The following CACNA2D3 variants were observed in gnomAD, a reference collection of about 807,000 sequenced individuals.
CACNA2D3 encodes calcium voltage-gated channel auxiliary subunit alpha2delta 3.
In CACNA2D3, 60 loss-of-function variants were observed where a neutral mutation model predicts 160.6. The observed-to-expected ratio is 0.37, with a 90% CI of 0.30 to 0.46. The LOEUF (loss-of-function observed/expected upper bound fraction) is 0.46, where lower values mean the gene tolerates loss of function less well. Among genes scored for constraint, CACNA2D3 ranks in the 20% least tolerant of loss-of-function variants. CACNA2D3 has a pLI of 1.00. For synonymous variants in CACNA2D3, 558 were observed against 492.9 expected (o/e 1.13, Z -1.75); for missense variants, 1,205 against 1,365.0 (o/e 0.88, Z 1.85).
rs556648907 is a variant in CACNA2D3, at chr3:55,051,247, G to T, written c.2988-22198G>T. 1.7e-4 allele frequency among the ~76,000 whole-genome samples: 26 copies of T among 152,172 alleles called. No individual in the cohort carries two copies. In the South Asian group the frequency reaches 5.4e-3, roughly 32 times the overall value. On this transcript the variant is annotated intron_variant, in intron 35 of 37. Transcript: ENST00000474759. The stretch of plus-strand genomic sequence containing the variant: ...CATCTTTGTGGTTTTATCTACTTTT[G>T]GTCTTTGATGATGGTGATGTACAGA...
In CACNA2D3 at chr3:54,924,298, G is replaced by C. The variant is rs113090518; in HGVS notation, c.2449+24430G>C. Among the ~76,000 whole-genome samples, 566 of 152,326 alleles carry C rather than the reference G, an allele frequency of 3.7e-3. 2 individuals are homozygous for C. The highest frequency in any genetic ancestry group is 0.013 in the African/African-American group (550 of 41,580). On this transcript the variant is annotated intron_variant, in intron 27 of 37. Transcript: ENST00000474759. ...TAATAAGAGGTTGGTGTTATTTGGG[G>C]TTGAGCAGTTATTCAGGTGGTGATT...
intron 11 of CACNA2D3, among the ~76,000 whole-genome samples, chr3:54,689,775 A>G (rs1194941952): frequency 6.6e-6 from 1 of 151,982 alleles, no homozygotes; most frequent in Non-Finnish European, 1.5e-5. Context: ...ACACTACACT[A>G]GCCTCCTAAC....
At chr3:55,073,625 C>A in intron 36 of CACNA2D3, 68 bp downstream of exon 36, 2 of 1,346,600 alleles carry the variant, frequency 1.5e-6, no homozygotes, top group South Asian at 1.2e-5. Flanking sequence ...GGTAAGGAAA[C>A]CTGGGGGAGA....
chr3:54,372,617 T>G (rs907286556), intron 3 of CACNA2D3, among the ~76,000 whole-genome samples: 3 of 152,268 alleles, frequency 2.0e-5, no homozygotes, highest in African/African-American at 7.2e-5. Flanking sequence ...TCCTCAAATC[T>G]TTTATCACTT....
chr3:54,545,324 T>G (rs759465457), intron 5 of CACNA2D3, among the ~76,000 whole-genome samples: 6 of 152,230 alleles, frequency 3.9e-5, no homozygotes, highest in Non-Finnish European at 7.3e-5. Flanking sequence ...TGAAGATACT[T>G]GGAGCTTAAC....
chr3:54,558,334 G>T (rs1048076093), intron 5 of CACNA2D3, among the ~76,000 whole-genome samples: 7 of 152,162 alleles, frequency 4.6e-5, no homozygotes, highest in African/African-American at 1.7e-4. Flanking sequence ...CCCATCAATG[G>T]CAGTGTGAGT....
intron 4 of CACNA2D3, among the ~76,000 whole-genome samples, chr3:54,456,106 A>G (rs1233907307): frequency 1.3e-5 from 2 of 152,136 alleles, no homozygotes; most frequent in East Asian, 1.9e-4. Context: ...GTATTTTGAT[A>G]GAGATTGCAT....
intron 2 of CACNA2D3, among the ~76,000 whole-genome samples, chr3:54,172,168 C>G (rs1487205897): frequency 6.6e-6 from 1 of 152,254 alleles, no homozygotes; most frequent in Non-Finnish European, 1.5e-5. Flanking sequence ...CCACTCTCCC[C>G]TTCCACACCC....
At chr3:54,138,920 G>A (rs531030891) in intron 2 of CACNA2D3, among the ~76,000 whole-genome samples, 1 of 152,190 alleles carries the variant, frequency 6.6e-6, no homozygotes, top group Admixed American at 6.5e-5. Context: ...CTGGTTTTCT[G>A]TATTTGGATC....
Position 54,733,581 on chromosome 3 carries a change from C to G in CACNA2D3, c.1168-19018C>G, listed in dbSNP as rs137942820. 9.2e-5 allele frequency among the ~76,000 whole-genome samples: 14 copies of G among 152,218 alleles called. No individual in the cohort carries two copies. In the East Asian group the frequency reaches 2.5e-3, roughly 27 times the overall value. On this transcript the variant is annotated intron_variant, in intron 11 of 37. Coordinates refer to ENST00000474759, the MANE Select transcript of CACNA2D3 (RefSeq NM_018398.3). ...GGATGAAGGTTAACATTAGGCCTCCCGGGCCCTTTCACATTCATTTACAGA... is the reference window on the plus strand; with the variant it reads ...GGATGAAGGTTAACATTAGGCCTCCGGGGCCCTTTCACATTCATTTACAGA...
At chr3:54,968,302 TAA>T in intron 27 of CACNA2D3, 146 bp from the exon 28 acceptor site, 1 of 605,898 alleles carries the variant, frequency 1.7e-6, no homozygotes, top group Admixed American at 2.8e-5. Flanking sequence ...ACCTGAAAGA[TAA>T]AATGTTTTAG....
chr3:54,488,356 G>T (rs537828993), intron 4 of CACNA2D3, among the ~76,000 whole-genome samples: 30 of 152,310 alleles, frequency 2.0e-4, no homozygotes, highest in African/African-American at 7.2e-4. Flanking sequence ...GAAAGGCCCT[G>T]CCAGGCTGGG....
intron 9 of CACNA2D3, among the ~76,000 whole-genome samples, chr3:54,619,323 G>C (rs1210003869): frequency 6.6e-6 from 1 of 152,200 alleles, no homozygotes; most frequent in Non-Finnish European, 1.5e-5. Flanking sequence ...CACTGCTTAG[G>C]TGGAGGGGCT....
chr3:54,389,644 G>A (rs1046925814), intron 4 of CACNA2D3, among the ~76,000 whole-genome samples: 1 of 152,170 alleles, frequency 6.6e-6, no homozygotes, highest in Admixed American at 6.5e-5. Context: ...CAGTTATGTA[G>A]AATTCTTGCC....
intron 3 of CACNA2D3, among the ~76,000 whole-genome samples, chr3:54,381,417 G>A (rs1252747928): frequency 6.6e-6 from 1 of 152,040 alleles, no homozygotes; most frequent in African/African-American, 2.4e-5. Flanking sequence ...TTACCTTCCC[G>A]CCTCTCACCG....
chr3:54,474,147 C>T (rs1700786384), intron 4 of CACNA2D3, among the ~76,000 whole-genome samples: 1 of 152,130 alleles, frequency 6.6e-6, no homozygotes, highest in Non-Finnish European at 1.5e-5. Flanking sequence ...TGGAACCAAC[C>T]CAAATGCCCA....
chr3:54,567,887 T>G (rs1575350535), intron 6 of CACNA2D3, among the ~76,000 whole-genome samples: 1 of 152,314 alleles, frequency 6.6e-6, no homozygotes, highest in East Asian at 1.9e-4. Context: ...AACACTGCGC[T>G]TTAAAGACAG....
At chr3:54,274,642 G>A (rs1013741308) in intron 2 of CACNA2D3, among the ~76,000 whole-genome samples, 1 of 152,226 alleles carries the variant, frequency 6.6e-6, no homozygotes, top group African/African-American at 2.4e-5. Flanking sequence ...TGGGTCAGGA[G>A]TCTGTATCCA....
chr3:54,673,598 C>G (rs1319513680), intron 11 of CACNA2D3, among the ~76,000 whole-genome samples: 1 of 152,160 alleles, frequency 6.6e-6, no homozygotes, highest in African/African-American at 2.4e-5. Context: ...GAACTTTTCA[C>G]ATGTTATCAA....
Sources: allele counts gnomAD v4.1 joint callset (sites outside exome capture counted in the v4.1 genomes callset), GRCh38; gene constraint gnomAD v4.1.1; transcripts MANE v1.5; gene names NCBI Gene and HGNC (gene_info 2026-07-23, HGNC 2026-07-21).